INTS14: variants seen among roughly 807,000 people sequenced by gnomAD.
The protein encoded by INTS14 is integrator complex subunit 14.
A neutral mutation model predicts 56.9 loss-of-function variants in INTS14; 27 were observed. That is an observed-to-expected ratio of 0.47 (90% CI 0.35 to 0.65). INTS14 has a LOEUF of 0.65. Among genes scored for constraint, INTS14 ranks in the 30% least tolerant of loss-of-function variants. The pLI, the probability that INTS14 is intolerant of heterozygous loss-of-function variation, is 0.00. For missense variants in INTS14, 517 were observed against 632.2 expected (o/e 0.82, Z 1.95); for synonymous variants, 207 against 236.2 (o/e 0.88, Z 1.13).
At chr15:65,590,216 A>T (rs1394772419) in intron 9 of INTS14, among the ~76,000 whole-genome samples, 1 of 152,208 alleles carries the variant, frequency 6.6e-6, no homozygotes, top group Non-Finnish European at 1.5e-5. Flanking sequence ...TTTCAGATCC[A>T]CACTCCACAG....
At chr15:65,599,741 T>C in intron 4 of INTS14, 33 bp downstream of exon 4, 1 of 1,607,480 alleles carries the variant, frequency 6.2e-7, no homozygotes, top group South Asian at 1.1e-5. Flanking sequence ...AAAATATGCC[T>C]AATCAAACTA....
chr15:65,588,321 T>A (rs2072901169), intron 9 of INTS14, among the ~76,000 whole-genome samples: 2 of 150,950 alleles, frequency 1.3e-5, no homozygotes, highest in East Asian at 3.9e-4. Flanking sequence ...ATAATAATAA[T>A]AAAATGGGGG....
rs1442706617 is a variant in INTS14, at chr15:65,592,422, T to C, written c.987-691A>G. The stretch of plus-strand genomic sequence containing the variant: ...AAAATATGTATTATAGAAAGGGAAA[T>C]AGATGGTTTTGCAGATTTTGAGACT... On this transcript the variant is annotated intron_variant, in intron 8 of 11. Coordinates refer to ENST00000313182, the MANE Select transcript of INTS14 (RefSeq NM_001394796.1). Among the ~76,000 whole-genome samples the C allele has an allele frequency of 2.0e-5, 3 of 152,114 alleles. No homozygotes were observed. The East Asian group carries it at 5.8e-4, about 29-fold the overall frequency.
intron 8 of INTS14, 89 bp downstream of exon 8, chr15:65,593,335 CCTTT>C: frequency 2.1e-6 from 3 of 1,423,994 alleles, no homozygotes; most frequent in South Asian, 2.8e-5. Flanking sequence ...GTGACAAGGA[CCTTT>C]CTATTTCCTT....
At chr15:65,595,915 G>T (rs929250041) in intron 6 of INTS14, 90 bp from the exon 7 acceptor site, 3 of 983,584 alleles carry the variant, frequency 3.1e-6, no homozygotes, top group Non-Finnish European at 4.4e-6. Context: ...GCACTGTTTA[G>T]GTTGGGGTTT....
intron 11 of INTS14, among the ~76,000 whole-genome samples, chr15:65,581,064 C>G (rs922390122): frequency 6.6e-6 from 1 of 151,814 alleles, no homozygotes; most frequent in African/African-American, 2.4e-5. Context: ...GCCAACACAG[C>G]GAAACCCCAT....
Position 65,598,906 on chromosome 15 carries a change from G to T in INTS14, c.571C>A (p.Pro191Thr). 6.2e-7 allele frequency: 1 copy of T among 1,613,826 alleles called. No homozygotes were observed. Among genetic ancestry groups the T allele is most frequent in the Non-Finnish European group, 8.5e-7 (1 of 1,179,872 alleles). The change falls in exon 5 of 12, where the codon CCC becomes ACC. Residue 191 changes from proline to threonine, a missense_variant. Transcript: ENST00000313182. ...GACTGTACATTCTTCAAGCACAGGG[G>T]GCCATCAATAGTAAAAATCTGCCCT... Reference protein sequence around the residue: ...GEGQIFTIDGPLCLKNVQSMF... With the variant: ...GEGQIFTIDGTLCLKNVQSMF...
At chr15:65,581,236 C>T (rs1162444017) in intron 11 of INTS14, among the ~76,000 whole-genome samples, 2 of 151,172 alleles carry the variant, frequency 1.3e-5, no homozygotes, top group East Asian at 1.9e-4. Context: ...AAAAATTAGC[C>T]GGGCATGGTG....
At chr15:65,600,880 G>A (rs1281511858) in intron 3 of INTS14, among the ~76,000 whole-genome samples, 1 of 152,012 alleles carries the variant, frequency 6.6e-6, no homozygotes, top group Non-Finnish European at 1.5e-5. Flanking sequence ...CTTAAAAAAG[G>A]ACAAAAACAT....
In INTS14 at chr15:65,598,477, A is replaced by G; in HGVS notation, c.606-14T>C. ...TCTATCAGTTTTCTAGAATATGATA[A>G]TTAATAGTTATAGGAAGAGTAATAC... On this transcript the variant is annotated splice_polypyrimidine_tract_variant and intron_variant, in intron 5 of 11. Coordinates refer to ENST00000313182, the MANE Select transcript of INTS14 (RefSeq NM_001394796.1). 1 of 1,610,774 alleles carries G rather than the reference A, an allele frequency of 6.2e-7. No individual in the cohort carries two copies. The highest frequency in any genetic ancestry group is 8.5e-7 in the Non-Finnish European group (1 of 1,177,594).
Position 65,582,005 on chromosome 15 carries a change from C to T in INTS14, c.1254G>A (p.Lys418=). The part of the protein sequence containing the change: ...KPSGLQTDVQ[K]ILRNARKLPE... Reference sequence around the variant, plus strand: ...GTAGTTTCCTTGCATTTCTTAAAATCTTCTGTACATCTGTCTATTAAGGGT... The same window carrying T: ...GTAGTTTCCTTGCATTTCTTAAAATTTTCTGTACATCTGTCTATTAAGGGT... The change falls in exon 11 of 12, where the codon AAG becomes AAA. Residue 418 remains lysine (K), a synonymous_variant. Coordinates refer to ENST00000313182, the MANE Select transcript of INTS14 (RefSeq NM_001394796.1). 6.2e-7 allele frequency: 1 copy of T among 1,610,374 alleles called. No homozygotes were observed. Among genetic ancestry groups the T allele is most frequent in the Non-Finnish European group, 8.5e-7 (1 of 1,179,102 alleles).
At chr15:65,607,818 A>G (rs1239881920) in intron 1 of INTS14, among the ~76,000 whole-genome samples, 1 of 152,226 alleles carries the variant, frequency 6.6e-6, no homozygotes, top group Admixed American at 6.5e-5. Flanking sequence ...GTGCTATTTG[A>G]CAAACAACCA....
chr15:65,586,269 G>A (rs1302523257), intron 9 of INTS14, among the ~76,000 whole-genome samples: 2 of 152,190 alleles, frequency 1.3e-5, no homozygotes, highest in Non-Finnish European at 2.9e-5. Flanking sequence ...AGCAACTCTA[G>A]AGCGAAGATG....
At chr15:65,598,714 T>C in intron 5 of INTS14, 158 bp downstream of exon 5, 1 of 734,276 alleles carries the variant, frequency 1.4e-6, no homozygotes, top group Non-Finnish European at 2.2e-6. Context: ...AGATTTACTT[T>C]AAAAAACCAT....
Position 65,608,954 on chromosome 15 carries a change from G to A in INTS14, c.-62-1512C>T, listed in dbSNP as rs1277587427. The stretch of plus-strand genomic sequence containing the variant: ...CATCTGTCGCCCAGGCTGGAGTGCA[G>A]TGGCGCGATCTCCGCTCACTGCAAG... On this transcript the variant is annotated intron_variant, in intron 1 of 11. Transcript: ENST00000313182. Among the ~76,000 whole-genome samples, 3 of 152,232 alleles carry A rather than the reference G, an allele frequency of 2.0e-5. No homozygotes were observed. The East Asian group carries it at 5.8e-4, about 29-fold the overall frequency.
intron 10 of INTS14, among the ~76,000 whole-genome samples, 168 bp downstream of exon 10, chr15:65,584,602 T>C (rs2141252982): frequency 6.6e-6 from 1 of 152,348 alleles, no homozygotes; most frequent in African/African-American, 2.4e-5. Context: ...TTTTGCTATA[T>C]ACATGTTTTA....
chr15:65,588,544 T>C (rs1031952290), intron 9 of INTS14, among the ~76,000 whole-genome samples: 10 of 151,958 alleles, frequency 6.6e-5, no homozygotes, highest in Non-Finnish European at 1.3e-4. Context: ...GGCTTGTGCC[T>C]GTAGTCACAG....
At chr15:65,602,645 T>C (rs2141313770) in intron 3 of INTS14, among the ~76,000 whole-genome samples, 1 of 151,800 alleles carries the variant, frequency 6.6e-6, no homozygotes, top group Non-Finnish European at 1.5e-5. Flanking sequence ...CAATAACCAG[T>C]AAACACCACC....
At chr15:65,584,654 A>T (rs532971571) in intron 10 of INTS14, 116 bp downstream of exon 10, 7 of 836,434 alleles carry the variant, frequency 8.4e-6, no homozygotes, top group Admixed American at 2.7e-5. Context: ...AATGACAAAC[A>T]TTAGAAGTAA....
Sources: gnomAD v4.1 joint callset for allele counts (sites outside exome capture counted in the v4.1 genomes callset) on GRCh38, gnomAD v4.1.1 for gene constraint, MANE v1.5 for transcripts, NCBI Gene and HGNC (gene_info 2026-07-23, HGNC 2026-07-21) for gene names.